The following ENTREP2 variants were observed in gnomAD, a reference collection of about 807,000 sequenced individuals.
ENTREP2 encodes the protein protein ENTREP2.
At chr15:29,644,076 G>T in the ENTREP2 span, among the ~76,000 whole-genome samples, 9 of 152,076 alleles carry the variant, frequency 5.9e-5, no homozygotes, top group African/African-American at 2.2e-4. Flanking sequence ...ATAAAATGTG[G>T]TATACATTTT....
chr15:29,351,856 T>C, the ENTREP2 span, among the ~76,000 whole-genome samples: 1 of 151,994 alleles, frequency 6.6e-6, no homozygotes, highest in Non-Finnish European at 1.5e-5. Flanking sequence ...TTCACTTTGT[T>C]GCCAACTCTT....
chr15:29,236,509 C>T, the ENTREP2 span, among the ~76,000 whole-genome samples: 1 of 151,838 alleles, frequency 6.6e-6, no homozygotes, highest in Non-Finnish European at 1.5e-5. Flanking sequence ...AGTAGCCAGG[C>T]ATTATGGCAT....
the ENTREP2 span, among the ~76,000 whole-genome samples, chr15:29,409,811 C>G: frequency 2.0e-5 from 3 of 152,112 alleles, no homozygotes; most frequent in African/African-American, 7.2e-5. Context: ...CCAGTTATAA[C>G]TAGTTTCAGT....
At chr15:29,410,427 C>G in the ENTREP2 span, among the ~76,000 whole-genome samples, 1 of 151,928 alleles carries the variant, frequency 6.6e-6, no homozygotes, top group African/African-American at 2.4e-5. Context: ...CAGGGCTGCC[C>G]CAGGAGCAGC....
chr15:29,370,445 A>G, the ENTREP2 span, among the ~76,000 whole-genome samples: 1 of 152,210 alleles, frequency 6.6e-6, no homozygotes, highest in South Asian at 2.1e-4. Flanking sequence ...ATATTTGTAC[A>G]TAACAATTGT....
At chr15:29,360,474 T>C in the ENTREP2 span, among the ~76,000 whole-genome samples, 1 of 152,228 alleles carries the variant, frequency 6.6e-6, no homozygotes, top group Non-Finnish European at 1.5e-5. Context: ...AGATCCTCCA[T>C]TTCCTGTGAA....
chr15:29,633,565 T>TG, the ENTREP2 span, among the ~76,000 whole-genome samples: 1 of 150,048 alleles, frequency 6.7e-6, no homozygotes, highest in South Asian at 2.1e-4. Context: ...AATAGAAGGG[T>TG]GGGGAGGGAA....
chr15:29,571,775 G>C, the ENTREP2 span, among the ~76,000 whole-genome samples: 4 of 152,194 alleles, frequency 2.6e-5, no homozygotes, highest in South Asian at 2.1e-4. Context: ...AATCCTGCAA[G>C]TTTTGATTGC....
At chr15:29,295,852 TTGTC>T in the ENTREP2 span, among the ~76,000 whole-genome samples, 2 of 152,158 alleles carry the variant, frequency 1.3e-5, no homozygotes, top group Non-Finnish European at 2.9e-5. Flanking sequence ...AACTTGTGAG[TTGTC>T]TGTTTCTGGA....
At chr15:29,159,097 C>T in the ENTREP2 span, among the ~76,000 whole-genome samples, 2 of 152,154 alleles carry the variant, frequency 1.3e-5, no homozygotes, top group Non-Finnish European at 2.9e-5. Context: ...ACTTCAAGAA[C>T]GAAGCTGTGG....
At chr15:29,142,402 C>A in the ENTREP2 span, among the ~76,000 whole-genome samples, 1 of 152,188 alleles carries the variant, frequency 6.6e-6, no homozygotes, top group Non-Finnish European at 1.5e-5. Flanking sequence ...AGTTCCTGGT[C>A]TGATAGATAA....
the ENTREP2 span, among the ~76,000 whole-genome samples, chr15:29,524,414 G>A: frequency 1.3e-5 from 2 of 152,156 alleles, no homozygotes; most frequent in Admixed American, 1.3e-4. Context: ...ACACATTGTT[G>A]GTAATGTTAC....
At chr15:29,404,347 T>A in the ENTREP2 span, among the ~76,000 whole-genome samples, 4 of 151,790 alleles carry the variant, frequency 2.6e-5, no homozygotes, top group African/African-American at 9.7e-5. Context: ...AACCCCCCCA[T>A]CTGACTAAGT....
chr15:29,409,257 T>C, the ENTREP2 span, among the ~76,000 whole-genome samples: 3 of 152,356 alleles, frequency 2.0e-5, no homozygotes, highest in Non-Finnish European at 4.4e-5. Context: ...CTTTCTTTGC[T>C]AGTATAATCT....
the ENTREP2 span, among the ~76,000 whole-genome samples, chr15:29,444,222 G>GAA: frequency 3.4e-5 from 5 of 148,720 alleles, no homozygotes; most frequent in Non-Finnish European, 1.5e-5. Flanking sequence ...AAGAAAGAAA[G>GAA]AAAGAAAGAA....
At chr15:29,658,027 G>A in the ENTREP2 span, among the ~76,000 whole-genome samples, 1 of 152,274 alleles carries the variant, frequency 6.6e-6, no homozygotes, top group Non-Finnish European at 1.5e-5. Flanking sequence ...TGGGAAAAAC[G>A]TTAAAACAAA....
At chr15:29,262,643 T>C in the ENTREP2 span, among the ~76,000 whole-genome samples, 146 of 152,382 alleles carry the variant, frequency 9.6e-4, no homozygotes, top group Non-Finnish European at 1.5e-3. Flanking sequence ...TCTTCATCTG[T>C]GTCTTTTGCA....
chr15:29,227,610 T>C, the ENTREP2 span, among the ~76,000 whole-genome samples: 1 of 151,908 alleles, frequency 6.6e-6, no homozygotes, highest in Non-Finnish European at 1.5e-5. Context: ...CCTGCTGTCA[T>C]GAGGCTAAAT....
the ENTREP2 span, among the ~76,000 whole-genome samples, chr15:29,272,629 C>G: frequency 6.6e-6 from 1 of 152,076 alleles, no homozygotes; most frequent in South Asian, 2.1e-4. Context: ...ACAGACACTT[C>G]AAGGGAGGGC....
Sources: gnomAD v4.1 joint callset for allele counts (sites outside exome capture counted in the v4.1 genomes callset) on GRCh38, gnomAD v4.1.1 for gene constraint, MANE v1.5 for transcripts, NCBI Gene and HGNC (gene_info 2026-07-23, HGNC 2026-07-21) for gene names.